Variants in CAMSAP2 observed in about 807,000 individuals in gnomAD.
CAMSAP2 encodes the protein calmodulin regulated spectrin associated protein family member 2, also known as calmodulin-regulated spectrin-associated protein 2.
A neutral mutation model predicts 146.1 loss-of-function variants in CAMSAP2; 26 were observed. That is an observed-to-expected ratio of 0.18 (90% confidence interval 0.13 to 0.25). CAMSAP2 has a LOEUF of 0.25. CAMSAP2 is among the 10% of genes least tolerant of loss of function. The pLI is 1.00. For missense variants in CAMSAP2, 1,381 were observed against 1,759.3 expected (o/e 0.78, Z 3.85); for synonymous variants, 499 against 596.6 (o/e 0.84, Z 2.38).
Position 200,848,021 on chromosome 1 carries a change from C to CT in CAMSAP2, c.1263-3dup. The CT allele has an allele frequency of 2.2e-5, 32 of 1,470,702 alleles. No homozygotes were observed. The highest frequency in any genetic ancestry group is 2.6e-5 in the Non-Finnish European group (29 of 1,102,688). The allele number at this position is 1,470,702 out of a possible 1,614,324, so 91.1% of individuals were successfully genotyped here. A position where few individuals can be genotyped will look rare whatever the true frequency, so the allele number is the denominator to read the frequency against. Reference sequence around the variant, plus strand: ...ATTTTTAAAGGATTTTTCTCTTTAACTTTTTTTTAGATCATCAGTGCATGG... The same window carrying CT: ...ATTTTTAAAGGATTTTTCTCTTTAACTTTTTTTTTAGATCATCAGTGCATGG... On this transcript the variant is annotated splice_polypyrimidine_tract_variant and intron_variant, in intron 10 of 16. Transcript: ENST00000358823.
At chr1:200,798,038 T>C (rs1474695737) in intron 2 of CAMSAP2, among the ~76,000 whole-genome samples, 4 of 151,426 alleles carry the variant, frequency 2.6e-5, no homozygotes, top group Admixed American at 2.6e-4. Flanking sequence ...TATATCTCTG[T>C]TTTGGTACCA....
chr1:200,768,579 T>A (rs1323816610), intron 2 of CAMSAP2, among the ~76,000 whole-genome samples: 1 of 152,156 alleles, frequency 6.6e-6, no homozygotes, highest in Non-Finnish European at 1.5e-5. Context: ...TAGGAGGCTG[T>A]TGAAATAGCT....
At chr1:200,847,151 T>C in intron 8 of CAMSAP2, 59 bp from the exon 9 acceptor site, 2 of 1,245,798 alleles carry the variant, frequency 1.6e-6, no homozygotes, top group Non-Finnish European at 2.3e-6. Context: ...TAAGACATTC[T>C]ACCTAAATTT....
Position 200,849,287 on chromosome 1 carries a change from A to G in CAMSAP2, c.2518A>G (p.Ser840Gly), listed in dbSNP as rs772378714. The change falls in exon 11 of 17, where the codon AGC (serine) becomes GGC (glycine). Residue 840 changes from serine (S) to glycine (G), a missense_variant. Physicochemically the swap from Ser to Gly is moderately conservative, Grantham distance 56. This residue lies in a region of CAMSAP2 where 560 missense variants were observed against 715.9 expected (regional missense o/e 0.78). Transcript: ENST00000358823. This position sits in a 1 kb window ranked among gnomAD's most constrained non-coding sequence, Gnocchi z 6.3. Reference protein sequence around the residue: ...RSKSLADIKESMENPQAKWLK... With the variant: ...RSKSLADIKEGMENPQAKWLK... ...CAAGTCACTGGCAGATATAAAAGAG[A>G]GCATGGAGAATCCTCAAGCCAAATG... The G allele has an allele frequency of 2.5e-6, 4 of 1,613,940 alleles. No individual in the cohort carries two copies. The East Asian group carries it at 8.9e-5, about 36-fold the overall frequency.
intron 8 of CAMSAP2, 114 bp from the exon 9 acceptor site, chr1:200,847,096 A>T (rs911309284): frequency 6.6e-5 from 44 of 667,234 alleles, no homozygotes; most frequent in Non-Finnish European, 9.6e-5. Context: ...CCATATTTTT[A>T]AAATTTAGGT....
At chr1:200,783,515 C>T (rs1665497274) in intron 2 of CAMSAP2, among the ~76,000 whole-genome samples, 1 of 152,152 alleles carries the variant, frequency 6.6e-6, no homozygotes, top group Non-Finnish European at 1.5e-5. Flanking sequence ...CAAGGCCTTG[C>T]TCTGTTGTCC....
At chr1:200,854,505 A>T (rs963811819) in intron 13 of CAMSAP2, among the ~76,000 whole-genome samples, 1 of 151,662 alleles carries the variant, frequency 6.6e-6, no homozygotes, top group African/African-American at 2.4e-5. Context: ...ATATTATGAA[A>T]TTTTTTTTTG....
intron 2 of CAMSAP2, among the ~76,000 whole-genome samples, chr1:200,786,025 C>A (rs1665580393): frequency 6.6e-6 from 1 of 152,150 alleles, no homozygotes; most frequent in Non-Finnish European, 1.5e-5. Context: ...AGACATTTGT[C>A]CATTTCATCT....
chr1:200,759,916 A>G (rs922919685), intron 1 of CAMSAP2, among the ~76,000 whole-genome samples: 1 of 152,214 alleles, frequency 6.6e-6, no homozygotes, highest in Admixed American at 6.5e-5. Flanking sequence ...TTGTAAAACA[A>G]TGAGAAGTAT....
chr1:200,786,997 C>A (rs1236445852), intron 2 of CAMSAP2, among the ~76,000 whole-genome samples: 3 of 151,634 alleles, frequency 2.0e-5, no homozygotes, highest in Non-Finnish European at 4.4e-5. Flanking sequence ...TATTTTAAGC[C>A]CTTATTGAGA....
chr1:200,822,454 A>C (rs1328464227), intron 4 of CAMSAP2, among the ~76,000 whole-genome samples: 1 of 152,248 alleles, frequency 6.6e-6, no homozygotes, highest in African/African-American at 2.4e-5. Flanking sequence ...TTTTAATAGA[A>C]TACTTCTCAA....
intron 6 of CAMSAP2, among the ~76,000 whole-genome samples, chr1:200,840,685 C>A (rs1265268916): frequency 1.3e-5 from 2 of 152,070 alleles, no homozygotes; most frequent in African/African-American, 2.4e-5. Flanking sequence ...TAGTGGAGAG[C>A]ATATAGAGTT....
At position 200,773,457 on chromosome 1, in the gene CAMSAP2, A is replaced by T. The variant is rs1222306436; in HGVS notation, c.399+12359A>T. On this transcript the variant is annotated intron_variant, in intron 2 of 16. Coordinates refer to ENST00000358823, the MANE Select transcript of CAMSAP2 (RefSeq NM_203459.4). ...TTTTTAGTAGAGACGGCGTTTCGCC[A>T]TGTTAGCCAGGCTGGTCTCGAACTC... is the stretch of plus-strand genomic sequence containing the variant. Among the ~76,000 whole-genome samples the T allele has an allele frequency of 2.0e-5, 3 of 152,026 alleles. No homozygotes were observed. In the East Asian group the frequency reaches 5.8e-4, roughly 29 times the overall value.
chr1:200,816,362 A>G (rs1666484745), intron 4 of CAMSAP2, among the ~76,000 whole-genome samples: 2 of 150,938 alleles, frequency 1.3e-5, no homozygotes, highest in Admixed American at 6.6e-5. Context: ...GGAGGCTGAG[A>G]CGGGCGGATC....
chr1:200,800,054 C>T (rs1665994518), intron 2 of CAMSAP2, among the ~76,000 whole-genome samples: 1 of 152,142 alleles, frequency 6.6e-6, no homozygotes, highest in Non-Finnish European at 1.5e-5. Flanking sequence ...GATTTCCATT[C>T]TTTTGCATTT....
At chr1:200,855,038 TGTTA>T (rs1416690114) in intron 14 of CAMSAP2, 149 bp downstream of exon 14, 10 of 539,072 alleles carry the variant, frequency 1.9e-5, no homozygotes, top group Non-Finnish European at 2.9e-5. Context: ...GACTTAGGAC[TGTTA>T]GAGTTTCTGT....
chr1:200,817,183 C>CACGTGTGTGTGTATACACACAT (rs1666600555), intron 4 of CAMSAP2, among the ~76,000 whole-genome samples: 1 of 66,320 alleles, frequency 1.5e-5, no homozygotes. Flanking sequence ...TATATACACA[C>CACGTGTGTGTGTATACACACAT]ACACACATGT....
chr1:200,786,274 T>G (rs867470753), intron 2 of CAMSAP2, among the ~76,000 whole-genome samples: 1 of 152,266 alleles, frequency 6.6e-6, no homozygotes, highest in African/African-American at 2.4e-5. Context: ...TTTCTTTTTC[T>G]TATTTTGGCT....
At chr1:200,799,970 T>C (rs1218381100) in intron 2 of CAMSAP2, among the ~76,000 whole-genome samples, 1 of 152,142 alleles carries the variant, frequency 6.6e-6, no homozygotes, top group South Asian at 2.1e-4. Context: ...CCATGTAGTT[T>C]AGCGGTTTTG....
Sources: allele counts gnomAD v4.1 joint callset (sites outside exome capture counted in the v4.1 genomes callset), GRCh38; gene constraint gnomAD v4.1.1; regional missense constraint gnomAD v4.1.1; non-coding constraint Gnocchi (gnomAD v3.1); transcripts MANE v1.5; gene names NCBI Gene and HGNC (gene_info 2026-07-23, HGNC 2026-07-21).